Variants in ITGB3BP observed in about 807,000 individuals in gnomAD.
The protein encoded by ITGB3BP is centromere protein R.
Under a neutral mutation model 29.1 loss-of-function variants are expected in ITGB3BP, and 27 were observed. The observed-to-expected ratio is 0.93, with a 90% confidence interval of 0.68 to 1.28. The LOEUF is 1.28. ITGB3BP is among the 50% of genes most tolerant of loss of function. The pLI, the probability that ITGB3BP is intolerant of heterozygous loss-of-function variation, is 0.00. For missense variants in ITGB3BP, 192 were observed against 200.2 expected (o/e 0.96, Z 0.25); for synonymous variants, 61 against 61.4 (o/e 0.99, Z 0.03).
At chr1:63,468,647 AG>A (rs200727356) in intron 4 of ITGB3BP, among the ~76,000 whole-genome samples, 8,207 of 152,078 alleles carry the variant, frequency 0.054, 329 homozygotes, top group South Asian at 0.11. Flanking sequence ...GGACCACCTG[AG>A]GTAGGGAGTT....
At chr1:63,504,450 T>C (rs1646022299) in intron 2 of ITGB3BP, among the ~76,000 whole-genome samples, 1 of 151,986 alleles carries the variant, frequency 6.6e-6, no homozygotes, top group Non-Finnish European at 1.5e-5. Context: ...AATCATGTCA[T>C]CTGCAAACAG....
chr1:63,469,328 TA>T (rs764403416), intron 4 of ITGB3BP, among the ~76,000 whole-genome samples: 22 of 150,906 alleles, frequency 1.5e-4, no homozygotes, highest in African/African-American at 4.2e-4. Flanking sequence ...TTATTATTAT[TA>T]TTTTTTTTTT....
Position 63,465,165 on chromosome 1 carries a change from A to ATG in ITGB3BP, c.255-10199_255-10198dup, listed in dbSNP as rs543756602. On this transcript the variant is annotated intron_variant, in intron 4 of 8. Transcript: ENST00000271002. Reference sequence around the variant, plus strand: ...CTGAAGGATTTAGCAGTAAAAAAGGATGTCTGCAACTTCTCAAATATTCAG... The same window carrying ATG: ...CTGAAGGATTTAGCAGTAAAAAAGGATGTGTCTGCAACTTCTCAAATATTCAG... Among the ~76,000 whole-genome samples, 20 of 152,302 alleles carry ATG rather than the reference A, an allele frequency of 1.3e-4. No individual in the cohort carries two copies. In the East Asian group the frequency reaches 3.7e-3, roughly 28 times the overall value.
At chr1:63,448,280 GTAAC>G (rs1170175844) in intron 7 of ITGB3BP, among the ~76,000 whole-genome samples, 1 of 150,332 alleles carries the variant, frequency 6.7e-6, no homozygotes, top group African/African-American at 2.5e-5. Flanking sequence ...GTATACATAT[GTAAC>G]TAACCTGCAC....
chr1:63,443,860 G>A (rs533992260), intron 8 of ITGB3BP, among the ~76,000 whole-genome samples: 6 of 143,900 alleles, frequency 4.2e-5, no homozygotes, highest in African/African-American at 1.5e-4. Flanking sequence ...CTTTGGAGGG[G>A]AAATGATGAA....
chr1:63,491,925 A>G (rs1025137302), intron 2 of ITGB3BP, among the ~76,000 whole-genome samples: 3 of 63,864 alleles, frequency 4.7e-5, no homozygotes, highest in Non-Finnish European at 1.1e-4. Context: ...GTTTGTATGT[A>G]TTCAGTCATA....
chr1:63,512,525 A>C (rs1646222590), intron 1 of ITGB3BP, among the ~76,000 whole-genome samples: 1 of 152,132 alleles, frequency 6.6e-6, no homozygotes, highest in African/African-American at 2.4e-5. Flanking sequence ...TTTAAATACA[A>C]TTTTGAATAA....
At chr1:63,528,482 A>G (rs1646635695) in intron 2 of ITGB3BP, among the ~76,000 whole-genome samples, 1 of 152,162 alleles carries the variant, frequency 6.6e-6, no homozygotes. Context: ...GAAAAATAGA[A>G]AGAATAAGAC....
intron 1 of ITGB3BP, among the ~76,000 whole-genome samples, chr1:63,514,944 CAAAAAAAA>C (rs55738892): frequency 8.5e-6 from 1 of 117,110 alleles, no homozygotes; most frequent in Non-Finnish European, 1.8e-5. Context: ...GACTCTGTCT[CAAAAAAAA>C]AAAAAAAAAA....
intron 8 of ITGB3BP, among the ~76,000 whole-genome samples, chr1:63,441,956 T>G (rs1557602544): frequency 6.6e-6 from 1 of 152,040 alleles, no homozygotes; most frequent in African/African-American, 2.4e-5. Context: ...CTAATAAGGC[T>G]GGGGGTGGTG....
At position 63,454,344 on chromosome 1, in the gene ITGB3BP, T is replaced by C. The variant is rs1644902664; in HGVS notation, c.427+36A>G. The C allele has an allele frequency of 9.4e-7, 1 of 1,069,120 alleles. No homozygotes were observed. Among genetic ancestry groups the C allele is most frequent in the Non-Finnish European group, 1.4e-6 (1 of 700,904 alleles). 66.2% of individuals were successfully genotyped at this position (1,069,120 alleles called of 1,614,324 possible). On this transcript the variant is annotated intron_variant, in intron 6 of 8. Coordinates refer to ENST00000271002, the MANE Select transcript of ITGB3BP (RefSeq NM_014288.5). This position sits in a 1 kb window ranked among gnomAD's most constrained non-coding sequence, Gnocchi z 4.1. ...TGAGACAAATTAATAGGTTTATCTTTAAAATTACTGTCATTGAAAACTCAA... is the reference window on the plus strand; with the variant it reads ...TGAGACAAATTAATAGGTTTATCTTCAAAATTACTGTCATTGAAAACTCAA...
intron 3 of ITGB3BP, among the ~76,000 whole-genome samples, chr1:63,483,888 A>G (rs1263308319): frequency 6.6e-6 from 1 of 152,184 alleles, no homozygotes; most frequent in Non-Finnish European, 1.5e-5. Context: ...GCTATACCAT[A>G]TAGCATAAAT....
chr1:63,526,424 T>C (rs1401187001), upstream of ITGB3BP, among the ~76,000 whole-genome samples: 1 of 152,184 alleles, frequency 6.6e-6, no homozygotes, highest in Admixed American at 6.5e-5. Flanking sequence ...CTAATAACTT[T>C]ATGGGTAGAG....
At chr1:63,486,625 C>T (rs1049232532) in intron 3 of ITGB3BP, among the ~76,000 whole-genome samples, 1 of 151,996 alleles carries the variant, frequency 6.6e-6, no homozygotes, top group Admixed American at 6.6e-5. Flanking sequence ...GGAACTACAG[C>T]TGCAGACCTT....
At chr1:63,468,162 T>A (rs1645132156) in intron 4 of ITGB3BP, among the ~76,000 whole-genome samples, 1 of 152,226 alleles carries the variant, frequency 6.6e-6, no homozygotes, top group Non-Finnish European at 1.5e-5. Context: ...CTTGAAGATC[T>A]CCATCTGAGA....
upstream of ITGB3BP, chr1:63,523,405 C>T (rs1646509888): frequency 1.9e-6 from 1 of 539,124 alleles, no homozygotes; most frequent in Non-Finnish European, 3.3e-6. Flanking sequence ...GGCCATACCA[C>T]CCCCGCGATA....
chr1:63,476,091 C>T (rs1385689232), intron 4 of ITGB3BP, among the ~76,000 whole-genome samples: 1 of 150,412 alleles, frequency 6.6e-6, no homozygotes, highest in Non-Finnish European at 1.5e-5. Flanking sequence ...CAGCTATTTA[C>T]AGGAGGGATC....
At chr1:63,521,673 T>C (rs1570349125) in intron 1 of ITGB3BP, among the ~76,000 whole-genome samples, 3 of 151,676 alleles carry the variant, frequency 2.0e-5, no homozygotes, top group South Asian at 2.1e-4. Context: ...CTTTACAAAA[T>C]AAAAAAATTA....
chr1:63,468,945 G>A (rs966409079), intron 4 of ITGB3BP, among the ~76,000 whole-genome samples: 1 of 151,912 alleles, frequency 6.6e-6, no homozygotes, highest in Non-Finnish European at 1.5e-5. Flanking sequence ...CAGCTACTCG[G>A]GAGCCTGAGG....
Sources: allele counts gnomAD v4.1 joint callset (sites outside exome capture counted in the v4.1 genomes callset), GRCh38; gene constraint gnomAD v4.1.1; non-coding constraint Gnocchi (gnomAD v3.1); transcripts MANE v1.5; gene names NCBI Gene and HGNC (gene_info 2026-07-23, HGNC 2026-07-21).